The following SEPTIN3 variants were observed in gnomAD, a reference collection of about 807,000 sequenced individuals.
SEPTIN3 encodes neuronal-specific septin-3.
Under a neutral mutation model 45.1 loss-of-function variants are expected in SEPTIN3, and 15 were observed. That is an observed-to-expected ratio of 0.33 (90% CI 0.22 to 0.51). The LOEUF is 0.51. SEPTIN3 is among the 20% of genes least tolerant of loss of function. The probability of loss-of-function intolerance (pLI) is 0.97; values close to 1 mark genes in which losing one functional copy is unlikely to be tolerated. For synonymous variants in SEPTIN3, 148 were observed against 164.8 expected (o/e 0.90, Z 0.78); for missense variants, 289 against 457.2 (o/e 0.63, Z 3.35).
chr22:41,989,574 C>T lies in SEPTIN3; in HGVS notation c.2053C>T (p.Pro685Ser), dbSNP rs1286898065. 5 of 1,613,088 alleles carry T rather than the reference C, an allele frequency of 3.1e-6. No individual in the cohort carries two copies. The highest frequency in any genetic ancestry group is 4.2e-6 in the Non-Finnish European group (5 of 1,179,242). Residue 685 changes from proline (P) to serine (S), a missense_variant, in exon 7 of 12, where the codon CCT becomes TCT. This residue lies in a region of SEPTIN3 where 200 missense variants were observed against 315.1 expected (regional missense o/e 0.63). Coordinates refer to ENST00000644076, the MANE Select transcript of SEPTIN3 (RefSeq NM_001363845.2). ...GCCTTTTCTGTGCCCCAGCTTGCGACCTCTGGATCTTGAGTTCATGAAACA... is the reference window on the plus strand; with the variant it reads ...GCCTTTTCTGTGCCCCAGCTTGCGATCTCTGGATCTTGAGTTCATGAAACA... ...FISPTGHSLR[P>S]LDLEFMKHLS...
chr22:41,992,608 G>T, intron 8 of SEPTIN3, 56 bp from the exon 9 acceptor site: 1 of 1,195,286 alleles, frequency 8.4e-7, no homozygotes, highest in Admixed American at 2.2e-5. Context: ...TGAAAGTCCA[G>T]GTTGTTGGAG....
In SEPTIN3 at chr22:41,981,907, A is replaced by G. The variant is rs1032273100; in HGVS notation, c.1696+71A>G. ...CCAAGGATCCCATTTCTTTCCCCCA[A>G]ATGGCTGTGACCCTGGCTCTTCTAA... is the stretch of plus-strand genomic sequence containing the variant. On this transcript the variant is annotated intron_variant, in intron 3 of 11. Coordinates refer to ENST00000644076, the MANE Select transcript of SEPTIN3 (RefSeq NM_001363845.2). The G allele has an allele frequency of 5.1e-5, 70 of 1,370,588 alleles. 2 individuals carry two copies. The highest frequency in any genetic ancestry group is 3.0e-5 in the Non-Finnish European group (29 of 979,632). The allele number at this position is 1,370,588 out of a possible 1,614,324, so 84.9% of individuals were successfully genotyped here.
intron 2 of SEPTIN3, 39 bp downstream of exon 2, chr22:41,973,035 C>T (rs912329004): frequency 2.0e-5 from 8 of 398,428 alleles, no homozygotes; most frequent in East Asian, 3.6e-5. Context: ...ACTAGGCTGC[C>T]GGGAGGGGGA....
At chr22:41,989,010 C>T (rs1352062637) in intron 6 of SEPTIN3, among the ~76,000 whole-genome samples, 1 of 151,706 alleles carries the variant, frequency 6.6e-6, no homozygotes, top group Non-Finnish European at 1.5e-5. Flanking sequence ...ACTGTGGTCC[C>T]AGCTCCTCTG....
chr22:41,991,405 T>C (rs2078314374), intron 7 of SEPTIN3, among the ~76,000 whole-genome samples, 168 bp from the exon 8 acceptor site: 1 of 152,164 alleles, frequency 6.6e-6, no homozygotes, highest in Admixed American at 6.5e-5. Context: ...GGGGCTTGCA[T>C]TTATTCACCA....
chr22:41,994,272 GT>G lies in SEPTIN3; in HGVS notation c.2360-14del, dbSNP rs1197031401. 27 of 1,612,468 alleles carry G rather than the reference GT, an allele frequency of 1.7e-5. No homozygotes were observed. Among genetic ancestry groups the G allele is most frequent in the Non-Finnish European group, 2.2e-5 (26 of 1,179,464 alleles). On this transcript the variant is annotated splice_polypyrimidine_tract_variant and intron_variant, in intron 9 of 11. Transcript: ENST00000644076. The surrounding 1 kb of genome is among the most constrained non-coding windows in gnomAD (Gnocchi z 4.2). ...ATGAACTGACTACCTGTTTTGCTTT[GT>G]TTTGTTTTGTTCATAGTGGAAAACC... is the stretch of plus-strand genomic sequence containing the variant.
Position 41,987,064 on chromosome 22 carries a change from G to T in SEPTIN3, c.1826-142G>T, listed in dbSNP as rs1464222869. On this transcript the variant is annotated intron_variant, in intron 4 of 11. Transcript: ENST00000644076. ...AGGGAACAGCATAAGCCATGATATC[G>T]AGATGGAAAAGACCCTAAATTTGAC... is the stretch of plus-strand genomic sequence containing the variant. 1.9e-5 allele frequency: 11 copies of T among 577,726 alleles called. No homozygotes were observed. In the East Asian group the frequency reaches 2.9e-4, roughly 15 times the overall value. The allele number at this position is 577,726 out of a possible 1,614,324, so 35.8% of individuals were successfully genotyped here.
chr22:41,994,758 G>T lies in SEPTIN3; in HGVS notation c.2505+44G>T. The T allele has an allele frequency of 1.9e-6, 3 of 1,613,844 alleles. No homozygotes were observed. In the South Asian group the frequency reaches 3.3e-5, roughly 18 times the overall value. On this transcript the variant is annotated intron_variant, in intron 11 of 11. Coordinates refer to ENST00000644076, the MANE Select transcript of SEPTIN3 (RefSeq NM_001363845.2). The surrounding 1 kb of genome is among the most constrained non-coding windows in gnomAD (Gnocchi z 4.2). Reference sequence around the variant, plus strand: ...GAAAGCCACGACAGTAACCCATGACGACCACTTCTCTGTGTCATCACACAT... The same window carrying T: ...GAAAGCCACGACAGTAACCCATGACTACCACTTCTCTGTGTCATCACACAT...
intron 4 of SEPTIN3, among the ~76,000 whole-genome samples, chr22:41,986,314 G>A (rs1248484269): frequency 6.6e-6 from 1 of 152,178 alleles, no homozygotes; most frequent in Admixed American, 6.5e-5. Context: ...GGAAGGAGGT[G>A]AGATTTGAGG....
intron 4 of SEPTIN3, among the ~76,000 whole-genome samples, chr22:41,986,495 GT>G (rs2078210056): frequency 6.6e-6 from 1 of 150,880 alleles, no homozygotes; most frequent in African/African-American, 2.4e-5. Context: ...CTCTTTTTTT[GT>G]TTGTTTGTTG....
chr22:41,996,001 T>C (rs2078429052), intron 11 of SEPTIN3: 1 of 985,394 alleles, frequency 1.0e-6, no homozygotes, highest in Non-Finnish European at 1.2e-6. Context: ...GTCAGACTTC[T>C]CTCCCTTCTA....
chr22:41,985,913 C>T, intron 3 of SEPTIN3, 71 bp from the exon 4 acceptor site: 1 of 1,507,384 alleles, frequency 6.6e-7, no homozygotes, highest in Non-Finnish European at 8.9e-7. Context: ...ATTCTGTAAG[C>T]TTATGGAGAA....
intron 6 of SEPTIN3, 50 bp downstream of exon 6, chr22:41,987,809 T>C: frequency 1.3e-6 from 2 of 1,566,920 alleles, no homozygotes; most frequent in Non-Finnish European, 8.7e-7. Flanking sequence ...GTTTGTATCA[T>C]CTGTGCCCAT....
At chr22:41,983,362 G>A (rs1028568407) in intron 3 of SEPTIN3, among the ~76,000 whole-genome samples, 2 of 152,198 alleles carry the variant, frequency 1.3e-5, no homozygotes, top group African/African-American at 2.4e-5. Flanking sequence ...GGCCACACTC[G>A]GAGTGGCACC....
In SEPTIN3 at chr22:41,992,776, A is replaced by G. The variant is rs2146722093; in HGVS notation, c.2359+13A>G. 1.3e-6 allele frequency: 2 copies of G among 1,554,476 alleles called. No individual in the cohort carries two copies. Among genetic ancestry groups the G allele is most frequent in the Non-Finnish European group, 1.8e-6 (2 of 1,131,222 alleles). ...GGGATCATCGAAGGTAATTCACTGCATCTTCTGGAAGAACTGGTTGCTGAT... is the reference window on the plus strand; with the variant it reads ...GGGATCATCGAAGGTAATTCACTGCGTCTTCTGGAAGAACTGGTTGCTGAT... On this transcript the variant is annotated intron_variant, in intron 9 of 11. Transcript: ENST00000644076.
chr22:41,975,086 G>C (rs2078004583), intron 2 of SEPTIN3, among the ~76,000 whole-genome samples: 1 of 151,944 alleles, frequency 6.6e-6, no homozygotes, highest in African/African-American at 2.4e-5. Flanking sequence ...CTCTTTCTTG[G>C]TCCCCCACCC....
intron 2 of SEPTIN3, among the ~76,000 whole-genome samples, chr22:41,978,892 C>CGGG (rs2078072962): frequency 1.7e-5 from 1 of 59,350 alleles, no homozygotes. Flanking sequence ...GGGCTGAATG[C>CGGG]TGGAGGAGGA....
In SEPTIN3 at chr22:41,971,595, C is replaced by T. The variant is rs988169849; in HGVS notation, c.103C>T (p.Arg35Cys). 6.0e-5 allele frequency: 24 copies of T among 399,000 alleles called. No individual in the cohort carries two copies. The highest frequency in any genetic ancestry group is 5.1e-4 in the South Asian group (4 of 7,868). 24.7% of individuals were successfully genotyped at this position (399,000 alleles called of 1,614,324 possible). Reference sequence around the variant, plus strand: ...TAGCCATGTGCTGGGGCGCCCTATCCGCCCCTCGAGACTCCCTGGAGGAGG... The same window carrying T: ...TAGCCATGTGCTGGGGCGCCCTATCTGCCCCTCGAGACTCCCTGGAGGAGG... ...SHSHVLGRPI[R>C]PSRLPGGGSP... The change falls in exon 2 of 12, where the codon CGC becomes TGC. Residue 35 changes from arginine to cysteine, a missense_variant. Transcript: ENST00000644076.
intron 2 of SEPTIN3, among the ~76,000 whole-genome samples, chr22:41,974,417 A>C (rs532667608): frequency 3.9e-5 from 6 of 152,108 alleles, no homozygotes; most frequent in South Asian, 2.1e-4. Context: ...ATAATCCCAG[A>C]ACTTTGGGAG....
Sources: allele counts gnomAD v4.1 joint callset (sites outside exome capture counted in the v4.1 genomes callset), GRCh38; gene constraint gnomAD v4.1.1; regional missense constraint gnomAD v4.1.1; non-coding constraint Gnocchi (gnomAD v3.1); transcripts MANE v1.5; gene names NCBI Gene and HGNC (gene_info 2026-07-23, HGNC 2026-07-21).